Variants in DLG5 observed in about 807,000 individuals in gnomAD.
DLG5 encodes discs large MAGUK scaffold protein 5.
A neutral mutation model predicts 189.8 loss-of-function variants in DLG5; 48 were observed. The ratio of observed to expected loss-of-function variants is 0.25; its 90% confidence interval spans 0.20 to 0.32. The LOEUF (loss-of-function observed/expected upper bound fraction) is 0.32, where lower values mean the gene tolerates loss of function less well. DLG5 is among the 10% of genes least tolerant of loss of function. The probability of loss-of-function intolerance (pLI) is 1.00; values close to 1 mark genes in which losing one functional copy is unlikely to be tolerated. For missense variants in DLG5, 2,160 were observed against 2,544.7 expected, an observed-to-expected ratio of 0.85 and a Z score of 3.25; for synonymous variants, 1,016 against 1,054.1, an observed-to-expected ratio of 0.96 and a Z score of 0.70.
At chr10:77,913,015 C>CT (rs1356792490) in intron 1 of DLG5, among the ~76,000 whole-genome samples, 1 of 152,184 alleles carries the variant, frequency 6.6e-6, no homozygotes, top group Non-Finnish European at 1.5e-5. Flanking sequence ...CAGTGCCTCT[C>CT]TCGTCTAATT....
At chr10:77,922,464 C>T (rs1346288099) in intron 1 of DLG5, among the ~76,000 whole-genome samples, 3 of 152,154 alleles carry the variant, frequency 2.0e-5, no homozygotes, top group African/African-American at 7.2e-5. Flanking sequence ...CAAAGGTGTT[C>T]GCTTGTTCCC....
Position 77,916,661 on chromosome 10 carries a change from G to T in DLG5, c.304+9556C>A, listed in dbSNP as rs142871624. On this transcript the variant is annotated intron_variant, in intron 1 of 31. Transcript: ENST00000372391. ...CCCCCATGTCAGGGTGCTGTGAACAGTATGGATTTCCTTAATTAAAACTCA... is the reference window on the plus strand; with the variant it reads ...CCCCCATGTCAGGGTGCTGTGAACATTATGGATTTCCTTAATTAAAACTCA... Among the ~76,000 whole-genome samples the T allele has an allele frequency of 9.5e-3, 1,453 of 152,180 alleles. 12 individuals carry two copies. The highest frequency in any genetic ancestry group is 0.015 in the Non-Finnish European group (1,022 of 68,020).
chr10:77,917,036 T>C (rs1846379865), intron 1 of DLG5, among the ~76,000 whole-genome samples: 1 of 151,716 alleles, frequency 6.6e-6, no homozygotes, highest in Non-Finnish European at 1.5e-5. Context: ...CAAATCTGTA[T>C]TGACTTCACT....
intron 17 of DLG5, among the ~76,000 whole-genome samples, chr10:77,818,805 C>T (rs1210528648): frequency 6.6e-6 from 1 of 152,042 alleles, no homozygotes; most frequent in Non-Finnish European, 1.5e-5. Flanking sequence ...TGTCTGCCTC[C>T]CACATTTGAA....
intron 1 of DLG5, among the ~76,000 whole-genome samples, chr10:77,883,742 G>A (rs1845356245): frequency 6.9e-6 from 1 of 145,360 alleles, no homozygotes; most frequent in Admixed American, 7.1e-5. Context: ...TGTTGCCCAG[G>A]CTGGAGTGCA....
intron 5 of DLG5, among the ~76,000 whole-genome samples, chr10:77,844,636 G>A (rs1843595733): frequency 6.6e-6 from 1 of 152,140 alleles, no homozygotes; most frequent in East Asian, 1.9e-4. Flanking sequence ...GTGCCCTGTG[G>A]GCCTTTTATC....
chr10:77,909,712 C>T (rs538767429), intron 1 of DLG5, among the ~76,000 whole-genome samples: 1 of 152,170 alleles, frequency 6.6e-6, no homozygotes, highest in Admixed American at 6.5e-5. Flanking sequence ...TATACTCACA[C>T]CCACAGCCCC....
intron 1 of DLG5, among the ~76,000 whole-genome samples, chr10:77,922,134 C>T (rs1395687488): frequency 6.6e-6 from 1 of 152,182 alleles, no homozygotes; most frequent in Non-Finnish European, 1.5e-5. Context: ...ACTAGAATTA[C>T]ATCCTGTGCA....
chr10:77,877,878 C>T (rs1056200806), intron 1 of DLG5, among the ~76,000 whole-genome samples: 1 of 143,536 alleles, frequency 7.0e-6, no homozygotes, highest in Non-Finnish European at 1.5e-5. Flanking sequence ...TGCCCCGCCA[C>T]CCTGACAGCA....
chr10:77,927,109 T>G (rs1443517941), upstream of DLG5: 2 of 175,886 alleles, frequency 1.1e-5, no homozygotes, highest in Non-Finnish European at 2.3e-5. Flanking sequence ...CGCCGGCCCG[T>G]CCCTCCTCTC....
chr10:77,930,895 A>G (rs563974134), upstream of DLG5, among the ~76,000 whole-genome samples: 369 of 136,324 alleles, frequency 2.7e-3, 2 homozygotes, highest in Middle Eastern at 5.0e-3. Flanking sequence ...ATCTCAGCTC[A>G]CCGCAACCTC....
upstream of DLG5, among the ~76,000 whole-genome samples, chr10:77,931,630 A>T (rs1269279430): frequency 6.6e-6 from 1 of 151,792 alleles, no homozygotes. Flanking sequence ...CTTATCCTTC[A>T]CACCTCCTCT....
At chr10:77,836,989 C>T (rs1454149005) in intron 7 of DLG5, among the ~76,000 whole-genome samples, 1 of 151,914 alleles carries the variant, frequency 6.6e-6, no homozygotes, top group African/African-American at 2.4e-5. Context: ...CCAAGGCAGG[C>T]AGATCACATG....
At chr10:77,803,695 A>T (rs1841330431) in intron 27 of DLG5, among the ~76,000 whole-genome samples, 1 of 152,196 alleles carries the variant, frequency 6.6e-6, no homozygotes, top group African/African-American at 2.4e-5. Context: ...ACACCTGAAG[A>T]GCTAAAAGGA....
chr10:77,883,302 G>A (rs554492263), intron 1 of DLG5, among the ~76,000 whole-genome samples: 1 of 152,280 alleles, frequency 6.6e-6, no homozygotes, highest in South Asian at 2.1e-4. Flanking sequence ...ATGGAGGATG[G>A]TGCTGAGGTT....
In DLG5 at chr10:77,796,034, T is replaced by C. The variant is rs1840903730; in HGVS notation, c.5436+27A>G. Reference sequence around the variant, plus strand: ...CACAGGAGGTCTAATACTGGATGCCTAATCCTCAGACTGAAGCCCTGGGTA... The same window carrying C: ...CACAGGAGGTCTAATACTGGATGCCCAATCCTCAGACTGAAGCCCTGGGTA... On this transcript the variant is annotated intron_variant, in intron 29 of 31. Transcript: ENST00000372391. This position sits in a 1 kb window ranked among gnomAD's most constrained non-coding sequence, Gnocchi z 5.2. The C allele has an allele frequency of 2.5e-6, 4 of 1,614,096 alleles. No individual in the cohort carries two copies. Among genetic ancestry groups the C allele is most frequent in the Non-Finnish European group, 3.4e-6 (4 of 1,180,002 alleles).
intron 5 of DLG5, among the ~76,000 whole-genome samples, chr10:77,844,333 C>A (rs766654653): frequency 5.9e-5 from 9 of 152,214 alleles, no homozygotes; most frequent in Admixed American, 1.3e-4. Context: ...GAAACTCAGG[C>A]CCAGTTTCCC....
intron 8 of DLG5, among the ~76,000 whole-genome samples, chr10:77,835,011 C>T (rs1843055624): frequency 6.6e-6 from 1 of 152,172 alleles, no homozygotes; most frequent in Admixed American, 6.5e-5. Flanking sequence ...ACCACCATAG[C>T]CTCTCCTGGT....
chr10:77,817,597 C>A (rs546434824), intron 18 of DLG5, among the ~76,000 whole-genome samples, 180 bp downstream of exon 18: 9 of 152,370 alleles, frequency 5.9e-5, no homozygotes, highest in Admixed American at 4.6e-4. Flanking sequence ...GCTCTGACAG[C>A]AGCATGGGCA....
Sources: gnomAD v4.1 joint callset for allele counts (sites outside exome capture counted in the v4.1 genomes callset) on GRCh38, gnomAD v4.1.1 for gene constraint, Gnocchi (gnomAD v3.1) non-coding constraint, MANE v1.5 for transcripts, NCBI Gene and HGNC (gene_info 2026-07-23, HGNC 2026-07-21) for gene names.